Variants in CCDC30 observed in about 807,000 individuals in gnomAD.
CCDC30 encodes coiled-coil domain-containing protein 30.
Under a neutral mutation model 100.2 loss-of-function variants are expected in CCDC30, and 70 were observed. That is an observed-to-expected ratio of 0.70 (90% CI 0.58 to 0.85). CCDC30 has a LOEUF of 0.85. Among genes scored for constraint, CCDC30 ranks in the 40% least tolerant of loss-of-function variants. The pLI is 0.00. For missense variants in CCDC30, 652 were observed against 771.2 expected (o/e 0.85, Z 1.83); for synonymous variants, 233 against 269.5 (o/e 0.86, Z 1.33).
chr1:42,626,767 C>T (rs150623484), intron 11 of CCDC30, among the ~76,000 whole-genome samples: 1 of 152,218 alleles, frequency 6.6e-6, no homozygotes, highest in African/African-American at 2.4e-5. Context: ...TGCTTCTTCC[C>T]CATTTTCTCT....
intron 6 of CCDC30, among the ~76,000 whole-genome samples, chr1:42,542,202 T>C (rs1645024586): frequency 6.6e-6 from 1 of 152,212 alleles, no homozygotes; most frequent in Non-Finnish European, 1.5e-5. Context: ...TGGCTTTAAC[T>C]TTCTTTGTTA....
chr1:42,480,919 A>T (rs1400485813), intron 2 of CCDC30, among the ~76,000 whole-genome samples: 1 of 152,058 alleles, frequency 6.6e-6, no homozygotes, highest in African/African-American at 2.4e-5. Context: ...CAGGAGTTCA[A>T]GACCAGCCTG....
At chr1:42,621,899 A>T (rs1290305227) in intron 11 of CCDC30, among the ~76,000 whole-genome samples, 1 of 152,152 alleles carries the variant, frequency 6.6e-6, no homozygotes, top group African/African-American at 2.4e-5. Context: ...CTCCTGCCTC[A>T]GCCTCCCAAA....
intron 6 of CCDC30, among the ~76,000 whole-genome samples, chr1:42,529,237 G>GCCAA (rs1644771450): frequency 6.6e-6 from 1 of 152,202 alleles, no homozygotes; most frequent in Non-Finnish European, 1.5e-5. Context: ...ACTTTGGAAA[G>GCCAA]CCAAGGTGGG....
chr1:42,530,783 A>T (rs1345669383), intron 6 of CCDC30, among the ~76,000 whole-genome samples: 1 of 152,210 alleles, frequency 6.6e-6, no homozygotes, highest in East Asian at 1.9e-4. Context: ...ATACCATCTT[A>T]TATGAGGGAC....
At chr1:42,498,594 C>A (rs185098418) in intron 5 of CCDC30, among the ~76,000 whole-genome samples, 47 of 151,900 alleles carry the variant, frequency 3.1e-4, no homozygotes, top group African/African-American at 1.0e-3. Context: ...TGTGTGTATA[C>A]GTGAAAAAGT....
At chr1:42,483,888 G>A (rs894212151) in intron 3 of CCDC30, among the ~76,000 whole-genome samples, 1 of 151,758 alleles carries the variant, frequency 6.6e-6, no homozygotes, top group Admixed American at 6.6e-5. Flanking sequence ...TTCACTACAA[G>A]GTTATTGAAA....
chr1:42,554,294 T>G lies in CCDC30; in HGVS notation c.457-12002T>G, dbSNP rs1003697554. Among the ~76,000 whole-genome samples, 3 of 123,460 alleles carry G rather than the reference T, an allele frequency of 2.4e-5. No homozygotes were observed. In the Admixed American group the frequency reaches 2.6e-4, roughly 11 times the overall value. The allele number at this position is 123,460 out of a possible 152,430, so 81.0% of individuals were successfully genotyped here. On this transcript the variant is annotated intron_variant, in intron 6 of 16. Coordinates refer to ENST00000668663, the Ensembl canonical transcript of CCDC30. ...TGGCTTCTTTTTTTTTTTTTTTTTG[T>G]GGAGACAGAGTTTCCCTCTGTCATC...
intron 6 of CCDC30, among the ~76,000 whole-genome samples, chr1:42,532,910 C>T (rs886490397): frequency 6.6e-6 from 1 of 152,202 alleles, no homozygotes; most frequent in Non-Finnish European, 1.5e-5. Context: ...GGACTACAGG[C>T]GCCCGCCACC....
chr1:42,639,867 G>A (rs1428554027), intron 12 of CCDC30, among the ~76,000 whole-genome samples: 1 of 151,788 alleles, frequency 6.6e-6, no homozygotes, highest in Non-Finnish European at 1.5e-5. Flanking sequence ...TTGGGAGGCT[G>A]AGGCAGGAGA....
chr1:42,623,078 T>C (rs1051803209), intron 11 of CCDC30, among the ~76,000 whole-genome samples: 2 of 152,220 alleles, frequency 1.3e-5, no homozygotes, highest in African/African-American at 4.8e-5. Context: ...AAAATCAGAT[T>C]ATTGGATTTT....
chr1:42,610,259 A>T (rs1557448108), intron 10 of CCDC30, among the ~76,000 whole-genome samples: 1 of 152,196 alleles, frequency 6.6e-6, no homozygotes, highest in Non-Finnish European at 1.5e-5. Context: ...AGACTATATC[A>T]CCTTCAAAGC....
At chr1:42,474,394 A>G (rs1426023221) in intron 1 of CCDC30, among the ~76,000 whole-genome samples, 1 of 152,192 alleles carries the variant, frequency 6.6e-6, no homozygotes, top group Admixed American at 6.5e-5. Flanking sequence ...TTACCCATGT[A>G]CTTGGCACCT....
At position 42,563,374 on chromosome 1, in the gene CCDC30, TG is replaced by T. The variant is rs1426946015; in HGVS notation, c.457-2921del. Among the ~76,000 whole-genome samples, 8 of 152,002 alleles carry T rather than the reference TG, an allele frequency of 5.3e-5. No individual in the cohort carries two copies. The South Asian group carries it at 1.0e-3, about 20-fold the overall frequency. ...CAGGAACGGAAAACCAAACACTACA[TG>T]TTCTCTCACTCATAAGTGGGAGTTG... is the stretch of plus-strand genomic sequence containing the variant. On this transcript the variant is annotated intron_variant, in intron 6 of 16. Coordinates refer to ENST00000668663, the Ensembl canonical transcript of CCDC30.
chr1:42,581,649 A>G (rs1250160527), intron 9 of CCDC30, 135 bp downstream of exon 13: 3 of 707,388 alleles, frequency 4.2e-6, no homozygotes, highest in Non-Finnish European at 6.9e-6. Flanking sequence ...GCCACACACA[A>G]TTCCTGATGT....
chr1:42,573,282 G>A (rs1007493010), intron 7 of CCDC30, among the ~76,000 whole-genome samples: 2 of 152,052 alleles, frequency 1.3e-5, no homozygotes, highest in Admixed American at 6.6e-5. Flanking sequence ...TAAGAAGAGA[G>A]TATGTGTATT....
intron 10 of CCDC30, among the ~76,000 whole-genome samples, chr1:42,601,832 C>G (rs1646409955): frequency 6.6e-6 from 1 of 152,138 alleles, no homozygotes. Context: ...ACAGACAAAG[C>G]AAGGAGACCG....
intron 10 of CCDC30, among the ~76,000 whole-genome samples, chr1:42,609,028 T>G (rs1217294824): frequency 1.3e-5 from 2 of 152,166 alleles, no homozygotes; most frequent in Non-Finnish European, 2.9e-5. Flanking sequence ...TATAGAAATA[T>G]TTTTAGGGAA....
At position 42,480,145 on chromosome 1, in the gene CCDC30, TGATA is replaced by T. The variant is rs563156503; in HGVS notation, c.-91-311_-91-308del. 2.1e-4 allele frequency among the ~76,000 whole-genome samples: 32 copies of T among 152,304 alleles called. 1 individual carries two copies. In the South Asian group the frequency reaches 5.6e-3, roughly 27 times the overall value. On this transcript the variant is annotated intron_variant, in intron 1 of 16. Transcript: ENST00000668663. ...TATATAAAAATTAACTCAAATTGTTTGATAGATATGATCTGTAATTATGAAATAT... is the reference window on the plus strand; with the variant it reads ...TATATAAAAATTAACTCAAATTGTTTGATATGATCTGTAATTATGAAATAT...
Sources: gnomAD v4.1 joint callset for allele counts (sites outside exome capture counted in the v4.1 genomes callset) on GRCh38, gnomAD v4.1.1 for gene constraint, MANE v1.5 for transcripts, NCBI Gene and HGNC (gene_info 2026-07-23, HGNC 2026-07-21) for gene names.